The following ASTN2 variants were observed in gnomAD, a reference collection of about 807,000 sequenced individuals.
The protein encoded by ASTN2 is astrotactin-2.
In ASTN2, 54 loss-of-function variants were observed where a neutral mutation model predicts 139.8. The ratio of observed to expected loss-of-function variants is 0.39; its 90% CI spans 0.31 to 0.48. ASTN2 has a LOEUF of 0.48. Among genes scored for constraint, ASTN2 ranks in the 20% least tolerant of loss-of-function variants. The probability of loss-of-function intolerance (pLI) is 0.95; values close to 1 mark genes in which losing one functional copy is unlikely to be tolerated. For synonymous variants in ASTN2, 756 were observed against 719.5 expected, an observed-to-expected ratio of 1.05 and a Z score of -0.81; for missense variants, 1,565 against 1,725.1, an observed-to-expected ratio of 0.91 and a Z score of 1.64.
In ASTN2 at chr9:117,111,362, C is replaced by T. The variant is rs187785875; in HGVS notation, c.1169-15211G>A. On this transcript the variant is annotated intron_variant, in intron 4 of 22. Transcript: ENST00000313400. The stretch of plus-strand genomic sequence containing the variant: ...ATTTTAATGACTAAAAATGTGAGGA[C>T]TATTGGCAGGAAAAAAACTATATCT... Among the ~76,000 whole-genome samples the T allele has an allele frequency of 7.9e-5, 12 of 151,812 alleles. No homozygotes were observed. The East Asian group carries it at 2.3e-3, about 29-fold the overall frequency.
intron 3 of ASTN2, among the ~76,000 whole-genome samples, chr9:117,184,481 G>A (rs1831149855): frequency 6.6e-6 from 1 of 152,168 alleles, no homozygotes; most frequent in Non-Finnish European, 1.5e-5. Context: ...ACCTCCTTGG[G>A]ACACTCTCAG....
At chr9:116,686,709 G>A (rs1004604852) in intron 16 of ASTN2, 4 of 1,550,410 alleles carry the variant, frequency 2.6e-6, no homozygotes, top group African/African-American at 1.4e-5. Flanking sequence ...TCAGTCTGCA[G>A]GGACAGGGGC....
intron 13 of ASTN2, 50 bp downstream of exon 13, chr9:116,805,582 G>A: frequency 6.4e-7 from 1 of 1,564,560 alleles, no homozygotes; most frequent in Non-Finnish European, 8.8e-7. Flanking sequence ...CTGTGCCCAG[G>A]TTGTTTGTCA....
chr9:117,236,669 CTT>C (rs1037547813), intron 2 of ASTN2, among the ~76,000 whole-genome samples: 6 of 152,140 alleles, frequency 3.9e-5, no homozygotes, highest in African/African-American at 1.4e-4. Context: ...GGACAGAACA[CTT>C]TAAGTTCAAT....
At chr9:117,142,324 G>A (rs1830095067) in intron 3 of ASTN2, among the ~76,000 whole-genome samples, 1 of 152,198 alleles carries the variant, frequency 6.6e-6, no homozygotes, top group Non-Finnish European at 1.5e-5. Flanking sequence ...AGGAGGCCTG[G>A]ACTGAGGCTT....
At chr9:117,389,212 G>C (rs1231095237) in intron 1 of ASTN2, among the ~76,000 whole-genome samples, 3 of 152,172 alleles carry the variant, frequency 2.0e-5, no homozygotes, top group Non-Finnish European at 4.4e-5. Flanking sequence ...GGCAAGAGGG[G>C]AGAAAGGGCT....
At chr9:116,949,825 G>A (rs1023420562) in intron 10 of ASTN2, among the ~76,000 whole-genome samples, 1 of 152,182 alleles carries the variant, frequency 6.6e-6, no homozygotes, top group African/African-American at 2.4e-5. Flanking sequence ...TCTTTGCCCT[G>A]TGAGAAGGCT....
At chr9:116,618,515 C>T (rs1329657341) in intron 18 of ASTN2, 43 bp from the exon 19 acceptor site, 7 of 1,569,956 alleles carry the variant, frequency 4.5e-6, no homozygotes, top group Non-Finnish European at 5.2e-6. Flanking sequence ...GCAGCCAGCA[C>T]CAGCTGGGGC....
intron 10 of ASTN2, among the ~76,000 whole-genome samples, chr9:116,949,100 T>G (rs1364757272): frequency 6.6e-6 from 1 of 151,968 alleles, no homozygotes; most frequent in African/African-American, 2.4e-5. Flanking sequence ...CTTTCTCTTT[T>G]TCAAAACAGT....
chr9:116,460,704 T>G lies in ASTN2; in HGVS notation c.3498-18151A>C, dbSNP rs115830453. ...ATGGTGCAGAGTTTAGGGTCATGGA[T>G]GTATAAGCGGGGAAAGTTCTTTGTT... On this transcript the variant is annotated intron_variant, in intron 20 of 22. Coordinates refer to ENST00000313400, the MANE Select transcript of ASTN2 (RefSeq NM_001365068.1). Among the ~76,000 whole-genome samples, 432 of 152,204 alleles carry G rather than the reference T, an allele frequency of 2.8e-3. 4 individuals carry two copies. Among genetic ancestry groups the G allele is most frequent in the African/African-American group, 9.8e-3 (408 of 41,540 alleles).
At chr9:116,755,781 G>A (rs547864264) in intron 13 of ASTN2, among the ~76,000 whole-genome samples, 74 of 152,276 alleles carry the variant, frequency 4.9e-4, no homozygotes, top group African/African-American at 1.6e-3. Flanking sequence ...GGCCCTAAGC[G>A]CCATCATGTA....
intron 19 of ASTN2, among the ~76,000 whole-genome samples, chr9:116,591,123 C>T (rs781481306): frequency 8.5e-5 from 13 of 152,220 alleles, no homozygotes; most frequent in African/African-American, 1.2e-4. Context: ...CACCACATTG[C>T]AGGCAATGAG....
chr9:116,954,796 C>G (rs1315739066), intron 10 of ASTN2, among the ~76,000 whole-genome samples: 1 of 152,196 alleles, frequency 6.6e-6, no homozygotes. Flanking sequence ...TAGTCTAATG[C>G]AATGGCTCTC....
chr9:116,875,621 A>T (rs952753226), intron 10 of ASTN2, among the ~76,000 whole-genome samples: 1 of 152,228 alleles, frequency 6.6e-6, no homozygotes, highest in African/African-American at 2.4e-5. Flanking sequence ...TTGGAAGAAG[A>T]TGCCATCTAG....
chr9:116,610,318 G>C (rs1855469890), intron 19 of ASTN2, among the ~76,000 whole-genome samples: 1 of 152,120 alleles, frequency 6.6e-6, no homozygotes, highest in South Asian at 2.1e-4. Context: ...TAAAAGTAAA[G>C]TGATGGCTGC....
rs562054248 is a variant in ASTN2, at chr9:117,414,630, CGCG to C, written c.306_308del (p.Ala103del). On this transcript the variant is annotated inframe_deletion, in exon 1 of 23. Coordinates refer to ENST00000313400, the MANE Select transcript of ASTN2 (RefSeq NM_001365068.1). The surrounding 1 kb of genome is among the most constrained non-coding windows in gnomAD (Gnocchi z 4.2). Reference sequence around the variant, plus strand: ...CGGCAGAGCCAGGAGAGCCCGGGGACGCGGCGGCGGCGGCGGCTCCGGCCCCGG... The same window carrying C: ...CGGCAGAGCCAGGAGAGCCCGGGGACGCGGCGGCGGCGGCTCCGGCCCCGG... 1.1e-3 allele frequency: 1,552 copies of C among 1,425,834 alleles called. No homozygotes were observed. The highest frequency in any genetic ancestry group is 5.0e-3 in the South Asian group (332 of 65,946). 88.3% of individuals were successfully genotyped at this position (1,425,834 alleles called of 1,614,324 possible). A position where few individuals can be genotyped will look rare whatever the true frequency, so the allele number is the denominator to read the frequency against.
At chr9:117,314,617 TAATATAC>T (rs977842949) in intron 1 of ASTN2, among the ~76,000 whole-genome samples, 9 of 147,200 alleles carry the variant, frequency 6.1e-5, no homozygotes, top group Admixed American at 4.8e-4. Context: ...ATTTATTTTA[TAATATAC>T]AATATATAAT....
intron 3 of ASTN2, among the ~76,000 whole-genome samples, chr9:117,147,943 T>C (rs1171318640): frequency 6.6e-6 from 1 of 152,196 alleles, no homozygotes; most frequent in Non-Finnish European, 1.5e-5. Flanking sequence ...GGATGGTGGC[T>C]CTGATAGCTT....
intron 19 of ASTN2, among the ~76,000 whole-genome samples, chr9:116,488,264 G>A (rs1054062990): frequency 1.3e-5 from 2 of 152,074 alleles, no homozygotes; most frequent in Non-Finnish European, 2.9e-5. Flanking sequence ...AGAAGTCTAG[G>A]AAGTAAAGAA....
Sources: gnomAD v4.1 joint callset for allele counts (sites outside exome capture counted in the v4.1 genomes callset) on GRCh38, gnomAD v4.1.1 for gene constraint, Gnocchi (gnomAD v3.1) non-coding constraint, MANE v1.5 for transcripts, NCBI Gene and HGNC (gene_info 2026-07-23, HGNC 2026-07-21) for gene names.